Variants in FLI1 observed in about 807,000 individuals in gnomAD.
FLI1 encodes Fli-1 proto-oncogene, ETS transcription factor, also known as Friend leukemia integration 1 transcription factor.
In FLI1, 13 loss-of-function variants were observed where a neutral mutation model predicts 53.1. The ratio of observed to expected loss-of-function variants is 0.24; its 90% confidence interval spans 0.16 to 0.39. FLI1 has a LOEUF of 0.39. FLI1 is among the 10% of genes least tolerant of loss of function. The pLI is 1.00. For missense variants in FLI1, 424 were observed against 600.5 expected, an observed-to-expected ratio of 0.71 and a Z score of 3.07; for synonymous variants, 244 against 236.7, an observed-to-expected ratio of 1.03 and a Z score of -0.28.
At chr11:128,753,974 C>A (rs1043458428) in intron 1 of FLI1, among the ~76,000 whole-genome samples, 1 of 152,226 alleles carries the variant, frequency 6.6e-6, no homozygotes, top group Non-Finnish European at 1.5e-5. Context: ...ATGCTCTCCT[C>A]CCCAACTCTG....
rs140285743 is a variant in FLI1, at chr11:128,716,735, C to T, written c.18+22459C>T. On this transcript the variant is annotated intron_variant, in intron 1 of 8. Transcript: ENST00000527786. Reference sequence around the variant, plus strand: ...GCTCTGGGCATCTCAGGGTCAGCTGCGGTGAGCCTGGCCACAGGGCTCTGC... The same window carrying T: ...GCTCTGGGCATCTCAGGGTCAGCTGTGGTGAGCCTGGCCACAGGGCTCTGC... Among the ~76,000 whole-genome samples the T allele has an allele frequency of 1.1e-4, 16 of 152,258 alleles. No homozygotes were observed. In the East Asian group the frequency reaches 2.3e-3, roughly 22 times the overall value.
intron 1 of FLI1, among the ~76,000 whole-genome samples, chr11:128,756,807 A>G (rs1452116874): frequency 2.0e-5 from 3 of 152,180 alleles, no homozygotes; most frequent in Non-Finnish European, 4.4e-5. Context: ...GATGCCTGTG[A>G]TTCGATGAGA....
intron 2 of FLI1, among the ~76,000 whole-genome samples, chr11:128,767,472 A>T (rs1941385621): frequency 6.6e-6 from 1 of 152,218 alleles, no homozygotes; most frequent in Non-Finnish European, 1.5e-5. Flanking sequence ...TTCATTAACC[A>T]TGAAAAGGAG....
intron 2 of FLI1, among the ~76,000 whole-genome samples, chr11:128,760,351 G>A (rs981678327): frequency 1.3e-5 from 2 of 151,912 alleles, no homozygotes; most frequent in African/African-American, 4.8e-5. Flanking sequence ...CCATCTGTTA[G>A]GCACCTTTCT....
chr11:128,734,921 A>G (rs915583623), intron 1 of FLI1, among the ~76,000 whole-genome samples: 3 of 152,190 alleles, frequency 2.0e-5, no homozygotes, highest in African/African-American at 7.2e-5. Flanking sequence ...TAAATGTACT[A>G]ATTGCTGTAG....
intron 1 of FLI1, among the ~76,000 whole-genome samples, chr11:128,737,252 G>T (rs2135765673): frequency 6.6e-6 from 1 of 152,280 alleles, no homozygotes; most frequent in Non-Finnish European, 1.5e-5. Context: ...AAATGGGTTA[G>T]TTCCCTGACC....
chr11:128,703,772 G>A (rs958926115), intron 1 of FLI1, among the ~76,000 whole-genome samples: 3 of 147,512 alleles, frequency 2.0e-5, no homozygotes, highest in African/African-American at 7.6e-5. Flanking sequence ...GAACCCAGGA[G>A]GCAGAAGTTG....
intron 1 of FLI1, among the ~76,000 whole-genome samples, chr11:128,754,276 T>C (rs4444091): frequency 0.08 from 11,923 of 148,782 alleles, 619 homozygotes; most frequent in East Asian, 0.28. Context: ...TGTGTGTGTG[T>C]GCACATATGC....
chr11:128,703,765 C>T (rs1312849579), intron 1 of FLI1, among the ~76,000 whole-genome samples: 8 of 149,058 alleles, frequency 5.4e-5, no homozygotes, highest in Non-Finnish European at 1.2e-4. Flanking sequence ...ATCGCTTGAA[C>T]CCAGGAGGCA....
At chr11:128,751,808 G>A (rs1412881825) in intron 1 of FLI1, among the ~76,000 whole-genome samples, 7 of 146,872 alleles carry the variant, frequency 4.8e-5, no homozygotes, top group African/African-American at 1.3e-4. Flanking sequence ...GATTACAGGC[G>A]TGGGTTTTTT....
intron 5 of FLI1, among the ~76,000 whole-genome samples, chr11:128,786,633 G>C (rs546547841): frequency 2.0e-5 from 3 of 152,132 alleles, no homozygotes; most frequent in Admixed American, 1.3e-4. Context: ...GCAGATGTGC[G>C]TGTGTCTGCC....
Position 128,807,210 on chromosome 11 carries a change from G to A in FLI1, c.752G>A (p.Ser251Asn). 6.2e-7 allele frequency: 1 copy of A among 1,600,668 alleles called. No homozygotes were observed. The change falls in exon 7 of 9, where the codon AGT (serine) becomes AAT (asparagine). Residue 251 changes from serine (S) to asparagine (N), a missense_variant. Around this residue, in one of 5 missense-constraint regions of FLI1, gnomAD observed 114 missense variants for 117.9 expected, o/e 0.97. Transcript: ENST00000527786. The part of the protein sequence containing the change: ...SPPLGGAQTI[S>N]KNTEQRPQPD... ...CCCCTTGGAGGGGCACAAACGATCA[G>A]TAAGAATACAGAGCAACGGCCCCAG...
At chr11:128,754,423 C>T (rs981418185) in intron 1 of FLI1, among the ~76,000 whole-genome samples, 8 of 152,140 alleles carry the variant, frequency 5.3e-5, no homozygotes, top group Non-Finnish European at 1.2e-4. Flanking sequence ...AATTGTGCAT[C>T]AGGGTGAAAG....
At chr11:128,686,568 C>T (rs1203911505) in exon 1 of FLI1, 1 of 432,996 alleles carries the variant, frequency 2.3e-6, no homozygotes, top group African/African-American at 2.0e-5. Context: ...ACTTCATCAC[C>T]ATCCCACCGT....
At chr11:128,693,688 G>C, upstream of FLI1, 1 of 233,074 alleles carries the variant, frequency 4.3e-6, no homozygotes, top group East Asian at 6.0e-5. Context: ...GAAGGTGATG[G>C]GGGGAGGTTC....
intron 4 of FLI1, among the ~76,000 whole-genome samples, chr11:128,776,281 C>A (rs1941723899): frequency 6.6e-6 from 1 of 151,794 alleles, no homozygotes; most frequent in Non-Finnish European, 1.5e-5. Context: ...CAGGCGCCCA[C>A]CCCTCCCCCC....
rs1937907535 is a variant in FLI1 at position 128,694,153 on chromosome 11, G to A, written c.-106G>A. 1.5e-6 allele frequency: 2 copies of A among 1,299,928 alleles called. No individual in the cohort carries two copies. Among genetic ancestry groups the A allele is most frequent in the African/African-American group, 3.1e-5 (2 of 64,574 alleles). The allele number at this position is 1,299,928 out of a possible 1,614,324, so 80.5% of individuals were successfully genotyped here. A position where few individuals can be genotyped will look rare whatever the true frequency, so the allele number is the denominator to read the frequency against. On this transcript the variant is annotated 5_prime_UTR_variant, in exon 1 of 9. Transcript: ENST00000527786. ...GCAGGGGGCACGCAGGGAGGGCCCA[G>A]GGCGCCAGGGAGGCCGCGCCGGGCT...
chr11:128,723,317 GA>G (rs1939333497), intron 1 of FLI1, among the ~76,000 whole-genome samples: 1 of 152,138 alleles, frequency 6.6e-6, no homozygotes, highest in Non-Finnish European at 1.5e-5. Flanking sequence ...TGTGGGCTTG[GA>G]CTCATGTAGG....
intron 5 of FLI1, among the ~76,000 whole-genome samples, chr11:128,802,612 C>G (rs1273856127): frequency 6.6e-6 from 1 of 152,234 alleles, no homozygotes; most frequent in Non-Finnish European, 1.5e-5. Context: ...TATGTGAGGA[C>G]TGTAGCATTG....
Sources: gnomAD v4.1 joint callset for allele counts (sites outside exome capture counted in the v4.1 genomes callset) on GRCh38, gnomAD v4.1.1 for gene constraint, gnomAD v4.1.1 regional missense constraint, MANE v1.5 for transcripts, NCBI Gene and HGNC (gene_info 2026-07-23, HGNC 2026-07-21) for gene names.